TTLL11: variants seen among roughly 807,000 people sequenced by gnomAD.
TTLL11 encodes tubulin polyglutamylase TTLL11.
Under a neutral mutation model 51.7 loss-of-function variants are expected in TTLL11, and 42 were observed. The ratio of observed to expected loss-of-function variants is 0.81; its 90% CI spans 0.64 to 1.05. TTLL11 has a LOEUF of 1.05. Among genes scored for constraint, TTLL11 ranks in the 50% least tolerant of loss-of-function variants. TTLL11 has a pLI of 0.00. For missense variants in TTLL11, 799 were observed against 940.4 expected (o/e 0.85, Z 1.97); for synonymous variants, 381 against 383.5 (o/e 0.99, Z 0.08).
chr9:121,825,210 T>C (rs1836713178), intron 8 of TTLL11, among the ~76,000 whole-genome samples: 1 of 152,154 alleles, frequency 6.6e-6, no homozygotes, highest in Admixed American at 6.5e-5. Flanking sequence ...CGTGCAAGTA[T>C]GTGCATCTGT....
chr9:121,964,682 T>G (rs1424482563), intron 6 of TTLL11, among the ~76,000 whole-genome samples: 3 of 152,152 alleles, frequency 2.0e-5, no homozygotes, highest in African/African-American at 4.8e-5. Flanking sequence ...ATACACTCCA[T>G]GCACCCATCC....
intron 8 of TTLL11, among the ~76,000 whole-genome samples, chr9:121,854,166 T>A (rs1410083153): frequency 6.6e-6 from 1 of 152,174 alleles, no homozygotes; most frequent in Admixed American, 6.5e-5. Flanking sequence ...AAAGCCCAGT[T>A]TGTCTGATTC....
intron 3 of TTLL11, among the ~76,000 whole-genome samples, chr9:121,996,837 T>C (rs539319676): frequency 6.6e-5 from 10 of 152,352 alleles, no homozygotes; most frequent in Admixed American, 2.6e-4. Flanking sequence ...AAGATATTAC[T>C]TTATGTAATT....
intron 3 of TTLL11, among the ~76,000 whole-genome samples, chr9:122,028,840 A>T (rs1472658354): frequency 6.6e-6 from 1 of 152,232 alleles, no homozygotes. Flanking sequence ...ATGTCAACAA[A>T]ATTAAATTAG....
chr9:121,865,374 G>A (rs1281251229), intron 7 of TTLL11, among the ~76,000 whole-genome samples: 2 of 152,188 alleles, frequency 1.3e-5, no homozygotes, highest in African/African-American at 2.4e-5. Context: ...AGGATCAGAA[G>A]CCACCCAGTG....
intron 6 of TTLL11, among the ~76,000 whole-genome samples, chr9:121,905,542 G>A (rs1839915226): frequency 1.3e-5 from 2 of 151,928 alleles, no homozygotes; most frequent in Admixed American, 6.6e-5. Flanking sequence ...TAGTAGAGAC[G>A]AGGTTTCACC....
intron 3 of TTLL11, among the ~76,000 whole-genome samples, chr9:122,004,071 G>A (rs933020581): frequency 1.3e-5 from 2 of 151,550 alleles, no homozygotes; most frequent in Non-Finnish European, 1.5e-5. Context: ...GCAGTGAGCC[G>A]AGACCACGCC....
intron 6 of TTLL11, among the ~76,000 whole-genome samples, chr9:121,945,119 G>A (rs1841617130): frequency 6.6e-6 from 1 of 152,194 alleles, no homozygotes; most frequent in Non-Finnish European, 1.5e-5. Flanking sequence ...AGTGACACCT[G>A]CTTTTAAAAC....
intron 3 of TTLL11, among the ~76,000 whole-genome samples, chr9:122,029,370 G>A (rs1337027795): frequency 1.3e-5 from 2 of 152,114 alleles, no homozygotes; most frequent in African/African-American, 4.8e-5. Context: ...ACAGCCCTAC[G>A]CATGTTACTG....
intron 1 of TTLL11, among the ~76,000 whole-genome samples, chr9:122,084,175 T>C (rs1259874103): frequency 6.6e-6 from 1 of 152,150 alleles, no homozygotes; most frequent in African/African-American, 2.4e-5. Flanking sequence ...AGGAACTTAT[T>C]TGAAAAGCAA....
At chr9:121,835,331 C>A (rs1240775211) in intron 8 of TTLL11, among the ~76,000 whole-genome samples, 2 of 152,068 alleles carry the variant, frequency 1.3e-5, no homozygotes, top group Non-Finnish European at 2.9e-5. Flanking sequence ...CAAGCACCTG[C>A]CCAAGGTCAC....
At chr9:122,072,376 G>A (rs1845752877) in intron 1 of TTLL11, among the ~76,000 whole-genome samples, 1 of 152,092 alleles carries the variant, frequency 6.6e-6, no homozygotes, top group Admixed American at 6.5e-5. Context: ...AGGTGCGGTG[G>A]CTCACACCTG....
chr9:122,084,539 G>C (rs566904888), intron 1 of TTLL11, among the ~76,000 whole-genome samples: 2 of 152,238 alleles, frequency 1.3e-5, no homozygotes, highest in South Asian at 4.2e-4. Context: ...CGGCTTCAGA[G>C]GAACAACCAC....
At chr9:122,019,603 C>A (rs1218232534) in intron 3 of TTLL11, among the ~76,000 whole-genome samples, 2 of 152,128 alleles carry the variant, frequency 1.3e-5, no homozygotes, top group African/African-American at 2.4e-5. Flanking sequence ...ACACATACCA[C>A]CACACCCGGT....
chr9:121,982,980 T>G (rs536338339), intron 4 of TTLL11, among the ~76,000 whole-genome samples: 1 of 152,246 alleles, frequency 6.6e-6, no homozygotes, highest in East Asian at 1.9e-4. Context: ...CCACCTTGTG[T>G]TTTAAAGCAT....
In TTLL11 at chr9:121,840,718, G is replaced by A. The variant is rs146326288; in HGVS notation, c.1841-17839C>T. Among the ~76,000 whole-genome samples, 352 of 152,292 alleles carry A rather than the reference G, an allele frequency of 2.3e-3. 3 individuals are homozygous for A. The highest frequency in any genetic ancestry group is 6.8e-3 in the Middle Eastern group (2 of 294). On this transcript the variant is annotated intron_variant, in intron 8 of 8. Transcript: ENST00000321582. ...GCTGATCATACAGTTTCAATGAGGA[G>A]GCAGAGTTGAGGCCACGTGGCCTGT...
Position 121,989,140 on chromosome 9 carries a change from C to A in TTLL11, c.1269+55G>T. The A allele has an allele frequency of 1.3e-6, 2 of 1,591,640 alleles. No homozygotes were observed. The highest frequency in any genetic ancestry group is 2.3e-5 in the South Asian group (2 of 86,642). Reference sequence around the variant, plus strand: ...ACTCATCCTACACGAAGCCAGAGAGCCCTCTTGAGGCCGGTCAAGGCTGGA... The same window carrying A: ...ACTCATCCTACACGAAGCCAGAGAGACCTCTTGAGGCCGGTCAAGGCTGGA... On this transcript the variant is annotated intron_variant, in intron 4 of 8. Transcript: ENST00000321582. This position sits in a 1 kb window ranked among gnomAD's most constrained non-coding sequence, Gnocchi z 4.2.
chr9:121,862,237 T>A (rs892571876), intron 7 of TTLL11, among the ~76,000 whole-genome samples: 2 of 151,780 alleles, frequency 1.3e-5, no homozygotes, highest in Non-Finnish European at 2.9e-5. Context: ...AAAAAGAGCA[T>A]GATTTAGGCA....
intron 6 of TTLL11, among the ~76,000 whole-genome samples, chr9:121,926,632 G>A (rs1452581649): frequency 6.6e-6 from 1 of 152,170 alleles, no homozygotes; most frequent in Non-Finnish European, 1.5e-5. Flanking sequence ...GCAGAGTGGG[G>A]CTTCGGGGCC....
Sources: allele counts gnomAD v4.1 joint callset (sites outside exome capture counted in the v4.1 genomes callset), GRCh38; gene constraint gnomAD v4.1.1; non-coding constraint Gnocchi (gnomAD v3.1); transcripts MANE v1.5; gene names NCBI Gene and HGNC (gene_info 2026-07-23, HGNC 2026-07-21).